The following KCNK13 variants were observed in gnomAD, a reference collection of about 807,000 sequenced individuals.
KCNK13 encodes potassium two pore domain channel subfamily K member 13, also known as potassium channel subfamily K member 13.
In KCNK13, 12 loss-of-function variants were observed where a neutral mutation model predicts 23.4. That is an observed-to-expected ratio of 0.51 (90% confidence interval 0.33 to 0.83). The LOEUF (loss-of-function observed/expected upper bound fraction) is 0.83, where lower values mean the gene tolerates loss of function less well. Among genes scored for constraint, KCNK13 ranks in the 40% least tolerant of loss-of-function variants. The probability of loss-of-function intolerance (pLI) is 0.02; values close to 1 mark genes in which losing one functional copy is unlikely to be tolerated. For missense variants in KCNK13, 463 were observed against 556.3 expected, an observed-to-expected ratio of 0.83 and a Z score of 1.69; for synonymous variants, 231 against 229.5, an observed-to-expected ratio of 1.01 and a Z score of -0.06.
At chr14:90,091,771 T>C (rs1339746504) in intron 1 of KCNK13, among the ~76,000 whole-genome samples, 1 of 151,504 alleles carries the variant, frequency 6.6e-6, no homozygotes, top group Admixed American at 6.6e-5. Context: ...ATGGAGAGAG[T>C]CCTGGAGTTA....
At chr14:90,074,026 T>G (rs1204617039) in intron 1 of KCNK13, among the ~76,000 whole-genome samples, 1 of 152,070 alleles carries the variant, frequency 6.6e-6, no homozygotes, top group East Asian at 1.9e-4. Flanking sequence ...TGGAGTGCAG[T>G]GACGCGATCT....
chr14:90,110,427 T>A (rs1194766832), intron 1 of KCNK13, among the ~76,000 whole-genome samples: 5 of 147,230 alleles, frequency 3.4e-5, no homozygotes, highest in South Asian at 2.2e-4. Flanking sequence ...TTGCAGTGAG[T>A]CGACATCATG....
intron 1 of KCNK13, among the ~76,000 whole-genome samples, chr14:90,151,706 A>C (rs1890135822): frequency 6.6e-6 from 1 of 152,112 alleles, no homozygotes; most frequent in African/African-American, 2.4e-5. Flanking sequence ...CATTGCCAAA[A>C]CCAATGTCAA....
intron 1 of KCNK13, among the ~76,000 whole-genome samples, chr14:90,079,881 C>T (rs79532143): frequency 6.6e-6 from 1 of 152,150 alleles, no homozygotes; most frequent in East Asian, 1.9e-4. Flanking sequence ...CAAGGTCACA[C>T]GTCCACCTCT....
rs545188341 is a variant in KCNK13 at position 90,070,014 on chromosome 14, C to G, written c.334+7475C>G. Among the ~76,000 whole-genome samples, 13 of 152,246 alleles carry G rather than the reference C, an allele frequency of 8.5e-5. 1 individual carries two copies. The South Asian group carries it at 2.7e-3, about 32-fold the overall frequency. On this transcript the variant is annotated intron_variant, in intron 1 of 1. Transcript: ENST00000282146. ...AAAGTAGAAATCATCCATAATTCTA[C>G]CAACCAACAACAAACACTGTAAATA... is the stretch of plus-strand genomic sequence containing the variant.
chr14:90,169,002 G>A (rs1890335629), intron 1 of KCNK13, among the ~76,000 whole-genome samples: 1 of 152,102 alleles, frequency 6.6e-6, no homozygotes, highest in South Asian at 2.1e-4. Flanking sequence ...TGATTGTGAA[G>A]CCTCCCCAAC....
chr14:90,130,204 A>ATTTATTTATTTATTTATTTT (rs1889851394), intron 1 of KCNK13, among the ~76,000 whole-genome samples: 1 of 150,632 alleles, frequency 6.6e-6, no homozygotes, highest in Admixed American at 6.6e-5. Context: ...TTATTTATTT[A>ATTTATTTATTTATTTATTTT]TTTATTTATT....
At chr14:90,165,862 A>G (rs561692244) in intron 1 of KCNK13, among the ~76,000 whole-genome samples, 5 of 152,312 alleles carry the variant, frequency 3.3e-5, no homozygotes, top group East Asian at 3.9e-4. Flanking sequence ...AAAACACAGC[A>G]CTAAATGCCC....
chr14:90,184,906 A>C lies in KCNK13; in HGVS notation c.1130A>C (p.Gln377Pro). The C allele has an allele frequency of 6.2e-7, 1 of 1,613,818 alleles. No individual in the cohort carries two copies. The highest frequency in any genetic ancestry group is 8.5e-7 in the Non-Finnish European group (1 of 1,179,914). ...GAGATGGCCAACGGCTGCCCCCACCAGACCAGCACACTGGCCCGGGACAAT... is the reference window on the plus strand; with the variant it reads ...GAGATGGCCAACGGCTGCCCCCACCCGACCAGCACACTGGCCCGGGACAAT... ...LSEMANGCPH[Q>P]TSTLARDNEF... Residue 377 changes from glutamine (Q) to proline (P), a missense_variant, in exon 2 of 2, where the codon CAG (glutamine) becomes CCG (proline). Transcript: ENST00000282146. The surrounding 1 kb of genome is among the most constrained non-coding windows in gnomAD (Gnocchi z 5.6).
chr14:90,104,704 C>T (rs1889521866), intron 1 of KCNK13, among the ~76,000 whole-genome samples: 1 of 148,326 alleles, frequency 6.7e-6, no homozygotes, highest in Admixed American at 6.8e-5. Context: ...CCAGGTTGGG[C>T]AAGGAAGGTG....
intron 1 of KCNK13, among the ~76,000 whole-genome samples, chr14:90,181,133 G>T (rs193177724): frequency 1.3e-5 from 2 of 152,292 alleles, no homozygotes; most frequent in Non-Finnish European, 2.9e-5. Context: ...GGGATTACAG[G>T]CATGAGCCAC....
chr14:90,144,377 A>G (rs1890049378), intron 1 of KCNK13, among the ~76,000 whole-genome samples: 6 of 151,660 alleles, frequency 4.0e-5, no homozygotes, highest in Admixed American at 3.9e-4. Flanking sequence ...GAATTATTAT[A>G]TTTTGTGTCC....
intron 1 of KCNK13, among the ~76,000 whole-genome samples, chr14:90,079,318 G>C (rs550726866): frequency 6.6e-6 from 1 of 151,856 alleles, no homozygotes; most frequent in South Asian, 2.1e-4. Context: ...ACTAGTAGGA[G>C]TGTGAGGGAA....
At chr14:90,145,771 G>A (rs536220140) in intron 1 of KCNK13, among the ~76,000 whole-genome samples, 4 of 152,202 alleles carry the variant, frequency 2.6e-5, no homozygotes, top group Non-Finnish European at 5.9e-5. Flanking sequence ...GGAGGCCAAA[G>A]CTGGAGGACT....
chr14:90,113,225 GT>G lies in KCNK13; in HGVS notation c.334+50696del, dbSNP rs112225809. Among the ~76,000 whole-genome samples the G allele has an allele frequency of 4.0e-4, 60 of 149,702 alleles. 3 individuals are homozygous for G. In the East Asian group the frequency reaches 4.1e-3, roughly 10 times the overall value. ...ATGAGCCATTGCACCTGGTTGAAAA[GT>G]TTTTTTTTTAAATGGAAAAACATGG... On this transcript the variant is annotated intron_variant, in intron 1 of 1. Coordinates refer to ENST00000282146, the MANE Select transcript of KCNK13 (RefSeq NM_022054.4).
intron 1 of KCNK13, among the ~76,000 whole-genome samples, chr14:90,122,927 C>G (rs545942331): frequency 6.6e-6 from 1 of 152,170 alleles, no homozygotes; most frequent in Non-Finnish European, 1.5e-5. Context: ...CCGTCACACA[C>G]TATCTCAGCA....
intron 1 of KCNK13, among the ~76,000 whole-genome samples, chr14:90,073,632 G>A (rs1165501237): frequency 6.6e-6 from 1 of 152,106 alleles, no homozygotes; most frequent in African/African-American, 2.4e-5. Context: ...GCTGCCTCAA[G>A]GGCCAAGAGG....
At chr14:90,081,088 G>A (rs1889203931) in intron 1 of KCNK13, among the ~76,000 whole-genome samples, 1 of 152,206 alleles carries the variant, frequency 6.6e-6, no homozygotes, top group South Asian at 2.1e-4. Flanking sequence ...CACTGCGAAG[G>A]GCTCAGTGCT....
chr14:90,094,757 C>T (rs1341696528), intron 1 of KCNK13, among the ~76,000 whole-genome samples: 1 of 150,338 alleles, frequency 6.7e-6, no homozygotes, highest in Non-Finnish European at 1.5e-5. Context: ...ACGCCATTCT[C>T]CTTCCTCAGC....
Sources: gnomAD v4.1 joint callset for allele counts (sites outside exome capture counted in the v4.1 genomes callset) on GRCh38, gnomAD v4.1.1 for gene constraint, Gnocchi (gnomAD v3.1) non-coding constraint, MANE v1.5 for transcripts, NCBI Gene and HGNC (gene_info 2026-07-23, HGNC 2026-07-21) for gene names.